The following DNAH5 variants were observed in gnomAD, a reference collection of about 807,000 sequenced individuals.
The protein encoded by DNAH5 is dynein axonemal heavy chain 5, also known as axonemal beta dynein heavy chain 5.
DNAH5 carries 372 observed loss-of-function variants against 518.2 expected under a neutral mutation model. The ratio of observed to expected loss-of-function variants is 0.72; its 90% CI spans 0.66 to 0.78. The LOEUF (loss-of-function observed/expected upper bound fraction) is 0.78, where lower values mean the gene tolerates loss of function less well. Among genes scored for constraint, DNAH5 ranks in the 30% least tolerant of loss-of-function variants. DNAH5 has a pLI of 0.00. For missense variants in DNAH5, 5,523 were observed against 5,687.0 expected (o/e 0.97, Z 0.93); for synonymous variants, 2,039 against 2,025.9 (o/e 1.01, Z -0.17).
intron 55 of DNAH5, chr5:13,771,431 C>T (rs898887500): frequency 1.1e-5 from 2 of 175,414 alleles, no homozygotes; most frequent in East Asian, 1.5e-4. Flanking sequence ...CATGTGGAAA[C>T]GCTCATCACT....
At chr5:13,860,599 G>T (rs1375968970) in intron 29 of DNAH5, 1 of 152,214 alleles carries the variant, frequency 6.6e-6, no homozygotes, top group Admixed American at 6.6e-5. Context: ...GGGGAATAAG[G>T]TCACACCTGG....
rs372954769 is a variant in DNAH5, at chr5:13,864,773, G to C, written c.4356-136C>G. On this transcript the variant is annotated intron_variant, in intron 27 of 78. Transcript: ENST00000265104. ...CTATTTTAAATCCCATGACTTGCAG[G>C]CTGTCTGTTCATATAATATACAGAT... 22 of 990,022 alleles carry C rather than the reference G, an allele frequency of 2.2e-5. No individual in the cohort carries two copies. In the African/African-American group the frequency reaches 2.6e-4, roughly 12 times the overall value. 61.3% of individuals were successfully genotyped at this position (990,022 alleles called of 1,614,324 possible).
In DNAH5 at chr5:13,859,577, G is replaced by T. The variant is rs746893823; in HGVS notation, c.4825C>A (p.Gln1609Lys). 33 of 1,613,934 alleles carry T rather than the reference G, an allele frequency of 2.0e-5. No homozygotes were observed. The highest frequency in any genetic ancestry group is 2.7e-5 in the Non-Finnish European group (32 of 1,179,964). ...RYNMPFKAQI[Q>K]KWVQYLSNST... ...TTGGAAAGGTACTGCACCCATTTTT[G>T]AATCTGGGCTTTGAATGGCATATTG... is the stretch of plus-strand genomic sequence containing the variant. Residue 1609 changes from glutamine (Q) to lysine (K), a missense_variant, in exon 30 of 79, where the codon CAA becomes AAA. Physicochemically the swap from Gln to Lys is moderately conservative, Grantham distance 53. This residue lies in a region of DNAH5 where 5,121 missense variants were observed against 5,223.3 expected (regional missense o/e 0.98). Coordinates refer to ENST00000265104, the MANE Select transcript of DNAH5 (RefSeq NM_001369.3).
chr5:13,901,485 A>T lies in DNAH5; in HGVS notation c.1819T>A (p.Tyr607Asn). The change falls in exon 14 of 79, where the codon TAT becomes AAT. Residue 607 changes from tyrosine (Y) to asparagine (N), a missense_variant. Around this residue, in one of 3 missense-constraint regions of DNAH5, gnomAD observed 5,121 missense variants for 5,223.3 expected, o/e 0.98. Coordinates refer to ENST00000265104, the MANE Select transcript of DNAH5 (RefSeq NM_001369.3). The stretch of plus-strand genomic sequence containing the variant: ...GGAGGATCGTATTTCTGCTTTGTAT[A>T]CAGCTTTGAAATCATATCAATGTCA... ...GADIDMISKL[Y>N]TKQKYDPPLA... 6.2e-7 allele frequency: 1 copy of T among 1,613,878 alleles called. No individual in the cohort carries two copies. The highest frequency in any genetic ancestry group is 8.5e-7 in the Non-Finnish European group (1 of 1,179,984).
intron 24 of DNAH5, among the ~76,000 whole-genome samples, chr5:13,868,813 G>A (rs11949405): frequency 2.2e-4 from 33 of 152,300 alleles, no homozygotes; most frequent in African/African-American, 7.7e-4. Context: ...TCTGATGGAT[G>A]AGGAAGTATA....
chr5:13,759,582 G>A (rs1471299189), intron 60 of DNAH5, among the ~76,000 whole-genome samples: 1 of 152,164 alleles, frequency 6.6e-6, no homozygotes, highest in Non-Finnish European at 1.5e-5. Context: ...CATTGTTCCT[G>A]TCACTTTCAT....
chr5:13,924,518 A>C (rs1262981373), intron 3 of DNAH5, among the ~76,000 whole-genome samples: 2 of 152,058 alleles, frequency 1.3e-5, no homozygotes, highest in African/African-American at 4.8e-5. Context: ...TCTACCAAAA[A>C]TACAAAATTA....
At chr5:13,918,643 G>C (rs1776914623) in intron 7 of DNAH5, among the ~76,000 whole-genome samples, 1 of 152,028 alleles carries the variant, frequency 6.6e-6, no homozygotes. Context: ...GCTAATTTTT[G>C]TGCTTTTTAA....
intron 68 of DNAH5, among the ~76,000 whole-genome samples, chr5:13,733,874 T>A (rs1746964053): frequency 6.6e-6 from 1 of 152,138 alleles, no homozygotes; most frequent in South Asian, 2.1e-4. Flanking sequence ...ACTCTCCATG[T>A]TAAGCATGAA....
rs1751971126 is a variant in DNAH5, at chr5:13,762,821, T to C, written c.10182A>G (p.Glu3394=). ...PYFEMPDYNI[E]TAKRVCGNVA... is the part of the protein sequence containing the mutation. The stretch of plus-strand genomic sequence containing the variant: ...CATTTCCACATACGCGTTTAGCAGT[T>C]TCGATGTTATAGTCAGGCATTTCAA... Residue 3394 remains glutamate, a synonymous_variant, in exon 60 of 79, where the codon GAA becomes GAG. Transcript: ENST00000265104. 6.2e-7 allele frequency: 1 copy of C among 1,614,016 alleles called. No individual in the cohort carries two copies. The highest frequency in any genetic ancestry group is 8.5e-7 in the Non-Finnish European group (1 of 1,179,952).
chr5:13,900,643 T>TCTAACAC, intron 14 of DNAH5: 1 of 559,974 alleles, frequency 1.8e-6, no homozygotes, highest in Non-Finnish European at 3.2e-6. Context: ...TTTCAATGAC[T>TCTAACAC]CTAACACTGA....
chr5:13,842,449 A>G (rs199671210), intron 32 of DNAH5, among the ~76,000 whole-genome samples: 12,136 of 87,840 alleles, frequency 0.14, 978 homozygotes, highest in East Asian at 0.27. Flanking sequence ...GAAAGAAAGA[A>G]AGAAAGAAAG....
intron 1 of DNAH5, among the ~76,000 whole-genome samples, chr5:13,952,107 C>T (rs1333947032): frequency 7.8e-6 from 1 of 128,732 alleles, no homozygotes; most frequent in Non-Finnish European, 1.6e-5. Context: ...GGGCCTCTAA[C>T]ATCACCCCAT....
At chr5:13,906,158 T>C (rs778668535) in intron 12 of DNAH5, among the ~76,000 whole-genome samples, 3 of 152,188 alleles carry the variant, frequency 2.0e-5, no homozygotes, top group Non-Finnish European at 2.9e-5. Context: ...GAAAACACTT[T>C]GCCTGATATT....
chr5:13,885,270 T>A (rs113911583), intron 18 of DNAH5, 42 bp from the exon 19 acceptor site: 3 of 1,605,162 alleles, frequency 1.9e-6, no homozygotes, highest in African/African-American at 1.3e-5. Context: ...ATAAGTTAGA[T>A]GGATGGATGG....
At chr5:13,811,187 G>T (rs1760648445) in intron 44 of DNAH5, among the ~76,000 whole-genome samples, 1 of 152,132 alleles carries the variant, frequency 6.6e-6, no homozygotes, top group African/African-American at 2.4e-5. Flanking sequence ...GTAACTGAGG[G>T]AGTCCAATTG....
intron 1 of DNAH5, among the ~76,000 whole-genome samples, chr5:13,986,782 CT>C (rs1783081322): frequency 6.6e-6 from 1 of 152,088 alleles, no homozygotes; most frequent in Non-Finnish European, 1.5e-5. Context: ...TCAGATATCA[CT>C]ATTGTAAGGG....
chr5:13,899,850 A>C (rs1201113511), intron 15 of DNAH5: 1 of 265,566 alleles, frequency 3.8e-6, no homozygotes, highest in African/African-American at 2.3e-5. Flanking sequence ...CCAGTGCAAC[A>C]CTTCACAAAC....
intron 3 of DNAH5, among the ~76,000 whole-genome samples, chr5:13,923,682 G>A (rs1561582601): frequency 6.6e-6 from 1 of 152,214 alleles, no homozygotes; most frequent in African/African-American, 2.4e-5. Context: ...GAGGGAAGGA[G>A]GACAATGTAT....
Sources: allele counts gnomAD v4.1 joint callset (sites outside exome capture counted in the v4.1 genomes callset), GRCh38; gene constraint gnomAD v4.1.1; regional missense constraint gnomAD v4.1.1; transcripts MANE v1.5; gene names NCBI Gene and HGNC (gene_info 2026-07-23, HGNC 2026-07-21).